Variants in SCAPER observed in about 807,000 individuals in gnomAD.
The protein encoded by SCAPER is S-phase cyclin A associated protein in the ER, also known as S phase cyclin A-associated protein in the endoplasmic reticulum.
A neutral mutation model predicts 182.2 loss-of-function variants in SCAPER; 98 were observed. The observed-to-expected ratio is 0.54, with a 90% CI of 0.46 to 0.64. The LOEUF (loss-of-function observed/expected upper bound fraction) is 0.64, where lower values mean the gene tolerates loss of function less well. Ranked by LOEUF, SCAPER falls within the 30% of genes least tolerant of loss-of-function variation. The probability of loss-of-function intolerance (pLI) is 0.00; values close to 1 mark genes in which losing one functional copy is unlikely to be tolerated. For missense variants in SCAPER, 1,432 were observed against 1,690.0 expected, an observed-to-expected ratio of 0.85 and a Z score of 2.68; for synonymous variants, 605 against 564.6, an observed-to-expected ratio of 1.07 and a Z score of -1.01.
chr15:76,696,798 A>G (rs933035207), intron 20 of SCAPER, among the ~76,000 whole-genome samples: 5 of 152,160 alleles, frequency 3.3e-5, no homozygotes, highest in African/African-American at 1.2e-4. Context: ...CCCATTTTTG[A>G]CTTTTAAAAA....
In SCAPER at chr15:76,603,984, G is replaced by C. The variant is rs1470799619; in HGVS notation, c.2711+17780C>G. On this transcript the variant is annotated intron_variant, in intron 22 of 31. Transcript: ENST00000563290. The stretch of plus-strand genomic sequence containing the variant: ...TCCCATTCTGTAGGTTGCCTGTTCA[G>C]TCTGATGGTAGTTTCTTTTGCTGTG... Among the ~76,000 whole-genome samples, 28 of 121,106 alleles carry C rather than the reference G, an allele frequency of 2.3e-4. 2 individuals are homozygous for C. Among genetic ancestry groups the C allele is most frequent in the Admixed American group, 1.1e-3 (12 of 10,726 alleles). 79.5% of individuals were successfully genotyped at this position (121,106 alleles called of 152,430 possible).
At chr15:76,844,209 T>C (rs1019406144) in intron 4 of SCAPER, among the ~76,000 whole-genome samples, 2 of 147,338 alleles carry the variant, frequency 1.4e-5, no homozygotes, top group Admixed American at 1.4e-4. Context: ...TTTCACACAA[T>C]TGGATTCCAT....
intron 20 of SCAPER, among the ~76,000 whole-genome samples, chr15:76,680,668 G>C (rs2057652820): frequency 6.6e-6 from 1 of 151,974 alleles, no homozygotes; most frequent in South Asian, 2.1e-4. Context: ...CATGAGAGCT[G>C]CTGGTTAAAA....
At chr15:76,393,086 T>C (rs1355316258) in intron 27 of SCAPER, among the ~76,000 whole-genome samples, 1 of 152,228 alleles carries the variant, frequency 6.6e-6, no homozygotes, top group East Asian at 1.9e-4. Context: ...TAACTAGGGC[T>C]TTATGTCAGC....
chr15:76,418,755 G>A (rs935761072), intron 26 of SCAPER, among the ~76,000 whole-genome samples: 4 of 152,242 alleles, frequency 2.6e-5, no homozygotes, highest in Admixed American at 6.5e-5. Flanking sequence ...CTGCACTGTG[G>A]TGAAGCCACC....
chr15:76,571,076 C>T (rs768071462), intron 23 of SCAPER, among the ~76,000 whole-genome samples: 13 of 152,052 alleles, frequency 8.5e-5, no homozygotes, highest in African/African-American at 2.4e-4. Flanking sequence ...ACCTAGGCAG[C>T]CCTTATACTT....
chr15:76,511,839 A>ATGTGTGTG lies in SCAPER; in HGVS notation c.2839-6866_2839-6865insCACACACA, dbSNP rs769062491. Among the ~76,000 whole-genome samples the ATGTGTGTG allele has an allele frequency of 8.9e-3, 376 of 42,372 alleles. 1 individual carries two copies. The highest frequency in any genetic ancestry group is 0.053 in the East Asian group (26 of 488). 27.8% of individuals were successfully genotyped at this position (42,372 alleles called of 152,430 possible). A position where few individuals can be genotyped will look rare whatever the true frequency, so the allele number is the denominator to read the frequency against. ...ACAAAGATACACTTATTATATATATATATATGTGTGTGTGTGTGTGTGTGT... is the reference window on the plus strand; with the variant it reads ...ACAAAGATACACTTATTATATATATATGTGTGTGTATATGTGTGTGTGTGTGTGTGTGT... On this transcript the variant is annotated intron_variant, in intron 23 of 31. Coordinates refer to ENST00000563290, the MANE Select transcript of SCAPER (RefSeq NM_020843.4).
chr15:76,544,094 T>G, intron 23 of SCAPER, among the ~76,000 whole-genome samples: 1 of 149,828 alleles, frequency 6.7e-6, no homozygotes, highest in Admixed American at 6.6e-5. Context: ...TCAATATCAT[T>G]AGTCATTAGG....
At chr15:76,875,922 G>GTT (rs1238395971) in intron 2 of SCAPER, among the ~76,000 whole-genome samples, 3 of 151,958 alleles carry the variant, frequency 2.0e-5, no homozygotes, top group Admixed American at 1.3e-4. Flanking sequence ...CCCCACGGTG[G>GTT]GGGGCGGGGT....
intron 4 of SCAPER, chr15:76,855,905 C>A: frequency 2.4e-6 from 1 of 420,364 alleles, no homozygotes; most frequent in Non-Finnish European, 4.8e-6. Context: ...TTCAACCCAG[C>A]AATCCCATTA....
intron 21 of SCAPER, among the ~76,000 whole-genome samples, chr15:76,655,099 AT>A (rs1339077903): frequency 1.3e-5 from 2 of 152,244 alleles, no homozygotes; most frequent in African/African-American, 4.8e-5. Context: ...AGGAATGAAG[AT>A]CATCAAGATT....
At chr15:76,428,888 A>ATATG (rs1396420677) in intron 26 of SCAPER, among the ~76,000 whole-genome samples, 1 of 138,578 alleles carries the variant, frequency 7.2e-6, no homozygotes, top group Non-Finnish European at 1.5e-5. Flanking sequence ...ATATATATAT[A>ATATG]TATATAAACA....
At chr15:76,489,681 T>A (rs190771) in intron 24 of SCAPER, among the ~76,000 whole-genome samples, 31,441 of 152,076 alleles carry the variant, frequency 0.21, 4,077 homozygotes, top group African/African-American at 0.37. Flanking sequence ...CCACAGCATA[T>A]TTTTAAGTGT....
intron 2 of SCAPER, among the ~76,000 whole-genome samples, chr15:76,863,694 G>A (rs1320867251): frequency 6.6e-6 from 1 of 152,130 alleles, no homozygotes; most frequent in Non-Finnish European, 1.5e-5. Context: ...ACACCTGCTG[G>A]TGTTCATGCC....
intron 21 of SCAPER, among the ~76,000 whole-genome samples, chr15:76,651,814 GA>G (rs200721516): frequency 1.0e-3 from 100 of 99,466 alleles, no homozygotes; most frequent in South Asian, 8.5e-3. Context: ...AGGCACAATG[GA>G]AAAAAAAAAA....
chr15:76,846,091 G>A (rs184047401), intron 4 of SCAPER, among the ~76,000 whole-genome samples: 19 of 152,096 alleles, frequency 1.2e-4, no homozygotes, highest in East Asian at 7.7e-4. Flanking sequence ...AACATGCACC[G>A]GGGAAAAGAC....
chr15:76,561,041 T>C (rs140812654), intron 23 of SCAPER, among the ~76,000 whole-genome samples: 206 of 152,294 alleles, frequency 1.4e-3, no homozygotes, highest in African/African-American at 4.9e-3. Context: ...AGTGTCATTA[T>C]TTCCGAGAAC....
chr15:76,523,319 A>C (rs1305522569), intron 23 of SCAPER, among the ~76,000 whole-genome samples: 1 of 152,136 alleles, frequency 6.6e-6, no homozygotes, highest in Non-Finnish European at 1.5e-5. Context: ...CATGATACTA[A>C]GTTTGGATAT....
chr15:76,802,427 A>C (rs2065866031), intron 6 of SCAPER, among the ~76,000 whole-genome samples: 1 of 152,232 alleles, frequency 6.6e-6, no homozygotes. Context: ...CAGTGAAAGA[A>C]TGAAACCCCA....
Sources: gnomAD v4.1 joint callset for allele counts (sites outside exome capture counted in the v4.1 genomes callset) on GRCh38, gnomAD v4.1.1 for gene constraint, MANE v1.5 for transcripts, NCBI Gene and HGNC (gene_info 2026-07-23, HGNC 2026-07-21) for gene names.